TMEM267: variants seen among roughly 807,000 people sequenced by gnomAD.
TMEM267 encodes the protein transmembrane protein C5orf28.
A neutral mutation model predicts 19.3 loss-of-function variants in TMEM267; 20 were observed. The ratio of observed to expected loss-of-function variants is 1.04; its 90% CI spans 0.73 to 1.51. TMEM267 has a LOEUF of 1.51. TMEM267 is among the 40% of genes most tolerant of loss of function. TMEM267 has a pLI of 0.00. For synonymous variants in TMEM267, 88 were observed against 90.3 expected (o/e 0.97, Z 0.15); for missense variants, 242 against 261.9 (o/e 0.92, Z 0.52).
chr5:43,465,698 A>T (rs1335498878), intron 1 of TMEM267, among the ~76,000 whole-genome samples: 1 of 152,196 alleles, frequency 6.6e-6, no homozygotes, highest in African/African-American at 2.4e-5. Context: ...GCAAACTATC[A>T]CAAGGACAAA....
intron 2 of TMEM267, among the ~76,000 whole-genome samples, chr5:43,449,692 G>C (rs374519914): frequency 6.6e-6 from 1 of 152,128 alleles, no homozygotes; most frequent in Non-Finnish European, 1.5e-5. Context: ...TAGTAATAAA[G>C]GTTTAGTTTA....
At chr5:43,472,124 G>T (rs1278958714) in intron 1 of TMEM267, among the ~76,000 whole-genome samples, 3 of 152,064 alleles carry the variant, frequency 2.0e-5, no homozygotes, top group African/African-American at 7.2e-5. Flanking sequence ...ATAAAAAATG[G>T]GCAAAATATT....
At chr5:43,477,405 C>T (rs1392500366) in intron 1 of TMEM267, among the ~76,000 whole-genome samples, 4 of 152,032 alleles carry the variant, frequency 2.6e-5, no homozygotes, top group Admixed American at 6.6e-5. Context: ...TGACCAACAC[C>T]GTGAAACCCC....
intron 1 of TMEM267, among the ~76,000 whole-genome samples, chr5:43,481,686 G>C (rs1039967072): frequency 6.6e-6 from 1 of 152,120 alleles, no homozygotes; most frequent in African/African-American, 2.4e-5. Context: ...AAAGCTCACA[G>C]TGAACTTGGA....
intron 1 of TMEM267, among the ~76,000 whole-genome samples, chr5:43,464,188 G>C (rs1412547965): frequency 9.2e-5 from 14 of 152,012 alleles, no homozygotes; most frequent in African/African-American, 2.9e-4. Context: ...TAAATCATGA[G>C]TGAACTCCCA....
intron 2 of TMEM267, among the ~76,000 whole-genome samples, chr5:43,447,503 T>G (rs557233346): frequency 8.9e-4 from 135 of 152,306 alleles, no homozygotes; most frequent in Non-Finnish European, 1.0e-3. Flanking sequence ...TCTCACCTGC[T>G]TTAAAGACTA....
Position 43,444,287 on chromosome 5 carries a change from T to C in TMEM267, c.*1935A>G, listed in dbSNP as rs890109981. ...GCATTCTTATTTATTTATTTTATGTTTATTTTTTAAGACAGTCTCCCTCTG... is the reference window on the plus strand; with the variant it reads ...GCATTCTTATTTATTTATTTTATGTCTATTTTTTAAGACAGTCTCCCTCTG... On this transcript the variant is annotated 3_prime_UTR_variant, in exon 3 of 3. Transcript: ENST00000397080. 3.3e-5 allele frequency: 5 copies of C among 152,176 alleles called. No individual in the cohort carries two copies. The highest frequency in any genetic ancestry group is 9.7e-5 in the African/African-American group (4 of 41,446). 9.4% of individuals were successfully genotyped at this position (152,176 alleles called of 1,614,324 possible). A position where few individuals can be genotyped will look rare whatever the true frequency, so the allele number is the denominator to read the frequency against.
At chr5:43,460,941 C>G (rs1421386103) in intron 1 of TMEM267, among the ~76,000 whole-genome samples, 1 of 152,182 alleles carries the variant, frequency 6.6e-6, no homozygotes, top group Non-Finnish European at 1.5e-5. Flanking sequence ...GAACTAGGCC[C>G]AGAGACAGTG....
intron 1 of TMEM267, among the ~76,000 whole-genome samples, chr5:43,472,241 G>T (rs1744122954): frequency 1.3e-5 from 2 of 151,898 alleles, no homozygotes; most frequent in African/African-American, 4.8e-5. Flanking sequence ...CTATAATGAG[G>T]TATCATCTCC....
intron 1 of TMEM267, among the ~76,000 whole-genome samples, chr5:43,474,904 T>C (rs1744321657): frequency 1.3e-5 from 2 of 151,822 alleles, no homozygotes; most frequent in Non-Finnish European, 1.5e-5. Flanking sequence ...TGTGGAGAAA[T>C]AGGAACGCTT....
chr5:43,462,353 C>T (rs1743321512), intron 1 of TMEM267, among the ~76,000 whole-genome samples: 1 of 152,106 alleles, frequency 6.6e-6, no homozygotes, highest in Non-Finnish European at 1.5e-5. Flanking sequence ...ACAATAAATA[C>T]CTAAGTCATC....
rs1403478209 is a variant in TMEM267 at position 43,471,546 on chromosome 5, TAC to T, written c.-75+12274_-75+12275del. On this transcript the variant is annotated intron_variant, in intron 1 of 2. Transcript: ENST00000397080. The stretch of plus-strand genomic sequence containing the variant: ...CACATTACCTGATTTCAAATTATAC[TAC>T]AGAGCTATAGTAACCAAAACAGCAT... 2.6e-5 allele frequency among the ~76,000 whole-genome samples: 4 copies of T among 152,148 alleles called. No homozygotes were observed. The East Asian group carries it at 5.8e-4, about 22-fold the overall frequency.
intron 1 of TMEM267, among the ~76,000 whole-genome samples, chr5:43,480,875 T>C (rs991072772): frequency 3.8e-4 from 53 of 137,980 alleles, no homozygotes; most frequent in Non-Finnish European, 5.9e-4. Context: ...CGATCTCGGC[T>C]CACTGCAAGC....
chr5:43,452,555 T>A (rs7718627), intron 2 of TMEM267, among the ~76,000 whole-genome samples: 1 of 149,146 alleles, frequency 6.7e-6, no homozygotes, highest in East Asian at 2.0e-4. Flanking sequence ...ACATACACGT[T>A]ATACAACTGT....
In TMEM267 at chr5:43,444,269, T is replaced by C. The variant is rs1201170357; in HGVS notation, c.*1953A>G. On this transcript the variant is annotated 3_prime_UTR_variant, in exon 3 of 3. Transcript: ENST00000397080. ...CCAAAAAATGCCTATGTAGCATTCT[T>C]ATTTATTTATTTTATGTTTATTTTT... 6.6e-6 allele frequency: 1 copy of C among 152,110 alleles called. No homozygotes were observed. The highest frequency in any genetic ancestry group is 1.5e-5 in the Non-Finnish European group (1 of 68,022). The allele number at this position is 152,110 out of a possible 1,614,324, so 9.4% of individuals were successfully genotyped here. A position where few individuals can be genotyped will look rare whatever the true frequency, so the allele number is the denominator to read the frequency against.
At chr5:43,458,985 T>C (rs985382699) in intron 1 of TMEM267, among the ~76,000 whole-genome samples, 1 of 143,964 alleles carries the variant, frequency 6.9e-6, no homozygotes, top group African/African-American at 2.7e-5. Flanking sequence ...GAGAAAACCT[T>C]TAGAGTTTCT....
Position 43,451,122 on chromosome 5 carries a change from C to T in TMEM267, c.312+2536G>A, listed in dbSNP as rs192524027. ...GATTACAGGCATAAGCCACCGCACC[C>T]GGCCCATTTACTGTTAATATTTACC... is the stretch of plus-strand genomic sequence containing the variant. On this transcript the variant is annotated intron_variant, in intron 2 of 2. Coordinates refer to ENST00000397080, the MANE Select transcript of TMEM267 (RefSeq NM_022483.5). Among the ~76,000 whole-genome samples, 588 of 152,224 alleles carry T rather than the reference C, an allele frequency of 3.9e-3. 3 individuals are homozygous for T. Among genetic ancestry groups the T allele is most frequent in the African/African-American group, 0.014 (567 of 41,550 alleles).
intron 1 of TMEM267, among the ~76,000 whole-genome samples, chr5:43,476,604 AT>A (rs199855648): frequency 0.013 from 1,784 of 141,984 alleles, 36 homozygotes; most frequent in African/African-American, 0.045. Context: ...TGCAATTTTA[AT>A]CAAAATCATA....
chr5:43,479,878 T>C (rs1001351703), intron 1 of TMEM267: 15 of 443,694 alleles, frequency 3.4e-5, no homozygotes, highest in African/African-American at 3.1e-4. Context: ...ATACAAAAAA[T>C]GCAAAACATA....
Sources: allele counts gnomAD v4.1 joint callset (sites outside exome capture counted in the v4.1 genomes callset), GRCh38; gene constraint gnomAD v4.1.1; transcripts MANE v1.5; gene names NCBI Gene and HGNC (gene_info 2026-07-23, HGNC 2026-07-21).